Variants in CAAP1 observed in about 807,000 individuals in gnomAD.
CAAP1 encodes the protein conserved anti-apoptotic protein.
A neutral mutation model predicts 34.0 loss-of-function variants in CAAP1; 20 were observed. The observed-to-expected ratio is 0.59, with a 90% confidence interval of 0.41 to 0.86. The LOEUF is 0.86. Among genes scored for constraint, CAAP1 ranks in the 40% least tolerant of loss-of-function variants. The pLI is 0.00. For missense variants in CAAP1, 538 were observed against 450.5 expected (o/e 1.19, Z -1.76); for synonymous variants, 213 against 166.7 (o/e 1.28, Z -2.14).
At chr9:26,856,641 C>T (rs1320710271) in intron 5 of CAAP1, among the ~76,000 whole-genome samples, 1 of 152,192 alleles carries the variant, frequency 6.6e-6, no homozygotes, top group Non-Finnish European at 1.5e-5. Flanking sequence ...CCTTCAGCAT[C>T]AGAAACATGT....
chr9:26,861,220 T>C, intron 4 of CAAP1, 81 bp from the exon 5 acceptor site: 1 of 968,836 alleles, frequency 1.0e-6, no homozygotes, highest in Admixed American at 1.9e-5. Flanking sequence ...AGAATTAAGT[T>C]AGGCACTAGG....
At chr9:26,878,281 T>A (rs533881012) in intron 4 of CAAP1, among the ~76,000 whole-genome samples, 1 of 152,238 alleles carries the variant, frequency 6.6e-6, no homozygotes. Context: ...TCAAGTAATC[T>A]TCTCTCTAGA....
intron 3 of CAAP1, among the ~76,000 whole-genome samples, chr9:26,885,315 T>A (rs1823710525): frequency 6.6e-6 from 1 of 152,022 alleles, no homozygotes; most frequent in African/African-American, 2.4e-5. Flanking sequence ...GACCTTGTGA[T>A]CCGCCCGCCT....
chr9:26,881,966 G>A (rs762640555), intron 4 of CAAP1, among the ~76,000 whole-genome samples: 1 of 152,198 alleles, frequency 6.6e-6, no homozygotes, highest in Non-Finnish European at 1.5e-5. Flanking sequence ...TTTTAGCAGA[G>A]ACTGGCAGCA....
intron 4 of CAAP1, among the ~76,000 whole-genome samples, chr9:26,862,776 G>C (rs1023035760): frequency 6.6e-6 from 1 of 152,036 alleles, no homozygotes; most frequent in African/African-American, 2.4e-5. Context: ...TGGGGAACTG[G>C]ATAAAAGTAT....
chr9:26,850,443 G>A (rs1279616744), intron 5 of CAAP1, among the ~76,000 whole-genome samples: 1 of 152,174 alleles, frequency 6.6e-6, no homozygotes, highest in East Asian at 1.9e-4. Flanking sequence ...TCTTCTGTTT[G>A]AGGATCATGA....
At chr9:26,866,485 C>G (rs1321123892) in intron 4 of CAAP1, among the ~76,000 whole-genome samples, 3 of 152,194 alleles carry the variant, frequency 2.0e-5, no homozygotes, top group African/African-American at 7.2e-5. Context: ...CTTACTCTCA[C>G]TATATCCTTT....
chr9:26,842,699 A>T, intron 5 of CAAP1, 52 bp from the exon 6 acceptor site: 1 of 1,412,670 alleles, frequency 7.1e-7, no homozygotes, highest in Non-Finnish European at 9.6e-7. Context: ...CATGGGTCAC[A>T]ATTTCCTTAC....
chr9:26,887,539 T>G (rs756630409), intron 1 of CAAP1, 26 bp from the exon 2 acceptor site: 5 of 1,374,902 alleles, frequency 3.6e-6, no homozygotes, highest in Non-Finnish European at 4.0e-6. Flanking sequence ...TAAAGAACCA[T>G]TAAACAATAC....
chr9:26,879,514 T>C (rs539656867), intron 4 of CAAP1, among the ~76,000 whole-genome samples: 3 of 152,318 alleles, frequency 2.0e-5, no homozygotes, highest in Non-Finnish European at 4.4e-5. Context: ...GTCAACTTGA[T>C]TGGATTGAAG....
chr9:26,848,065 A>C (rs1042424262), intron 5 of CAAP1, among the ~76,000 whole-genome samples: 1 of 152,248 alleles, frequency 6.6e-6, no homozygotes, highest in African/African-American at 2.4e-5. Flanking sequence ...TGAAAACACT[A>C]GATATACTTT....
intron 5 of CAAP1, among the ~76,000 whole-genome samples, chr9:26,844,012 T>G (rs1472708513): frequency 6.6e-6 from 1 of 152,154 alleles, no homozygotes; most frequent in African/African-American, 2.4e-5. Context: ...GAATAAAACC[T>G]TTCAAGAAAC....
At chr9:26,846,501 T>C (rs1172471902) in intron 5 of CAAP1, among the ~76,000 whole-genome samples, 1 of 151,792 alleles carries the variant, frequency 6.6e-6, no homozygotes, top group Non-Finnish European at 1.5e-5. Flanking sequence ...TGGCTATGAT[T>C]TTCCTTTCTT....
intron 5 of CAAP1, among the ~76,000 whole-genome samples, chr9:26,848,213 G>C (rs1486719060): frequency 6.6e-6 from 1 of 152,018 alleles, no homozygotes; most frequent in African/African-American, 2.4e-5. Flanking sequence ...TTTGTGATGT[G>C]ATTAACAGTT....
intron 1 of CAAP1, among the ~76,000 whole-genome samples, chr9:26,890,592 C>T (rs1823877058): frequency 6.6e-6 from 1 of 152,006 alleles, no homozygotes; most frequent in South Asian, 2.1e-4. Flanking sequence ...AAACACAAAG[C>T]TTCCTAATTC....
chr9:26,875,337 G>A (rs965961946), intron 4 of CAAP1, among the ~76,000 whole-genome samples: 1 of 152,096 alleles, frequency 6.6e-6, no homozygotes, highest in Non-Finnish European at 1.5e-5. Context: ...AATGAGCTGA[G>A]ATCACACCAC....
At chr9:26,872,230 T>C (rs1033597844) in intron 4 of CAAP1, among the ~76,000 whole-genome samples, 1 of 152,154 alleles carries the variant, frequency 6.6e-6, no homozygotes, top group African/African-American at 2.4e-5. Context: ...ATTTATGCAC[T>C]GTGTTCTTTC....
At chr9:26,853,730 G>C (rs920604119) in intron 5 of CAAP1, among the ~76,000 whole-genome samples, 1 of 152,180 alleles carries the variant, frequency 6.6e-6, no homozygotes, top group African/African-American at 2.4e-5. Flanking sequence ...CCAAAAGGTA[G>C]CAGGATCAGT....
chr9:26,877,032 T>C (rs1350110622), intron 4 of CAAP1, among the ~76,000 whole-genome samples: 1 of 152,102 alleles, frequency 6.6e-6, no homozygotes, highest in Non-Finnish European at 1.5e-5. Flanking sequence ...CACAGGCCTA[T>C]AGTCCCAGCT....
Sources: gnomAD v4.1 joint callset for allele counts (sites outside exome capture counted in the v4.1 genomes callset) on GRCh38, gnomAD v4.1.1 for gene constraint, MANE v1.5 for transcripts, NCBI Gene and HGNC (gene_info 2026-07-23, HGNC 2026-07-21) for gene names.